L3MBTL4: variants seen among roughly 807,000 people sequenced by gnomAD.
The protein encoded by L3MBTL4 is L3MBTL histone methyl-lysine binding protein 4.
Under a neutral mutation model 84.5 loss-of-function variants are expected in L3MBTL4, and 70 were observed. The observed-to-expected ratio is 0.83, with a 90% CI of 0.68 to 1.01. The LOEUF is 1.01. Among genes scored for constraint, L3MBTL4 ranks in the 50% least tolerant of loss-of-function variants. The probability of loss-of-function intolerance (pLI) is 0.00; values close to 1 mark genes in which losing one functional copy is unlikely to be tolerated. For missense variants in L3MBTL4, 715 were observed against 754.8 expected (o/e 0.95, Z 0.62); for synonymous variants, 274 against 259.8 (o/e 1.05, Z -0.52).
At chr18:5,972,672 T>C (rs745806562) in intron 16 of L3MBTL4, among the ~76,000 whole-genome samples, 1 of 152,126 alleles carries the variant, frequency 6.6e-6, no homozygotes, top group African/African-American at 2.4e-5. Context: ...CTACAGCTGA[T>C]GATTTTGGGG....
intron 16 of L3MBTL4, among the ~76,000 whole-genome samples, chr18:6,027,456 T>A (rs1451424295): frequency 6.6e-6 from 1 of 152,234 alleles, no homozygotes. Flanking sequence ...TTTGGGTTGG[T>A]TCTAAGTCTT....
chr18:6,139,959 C>T (rs1330588020), intron 13 of L3MBTL4, among the ~76,000 whole-genome samples: 1 of 152,112 alleles, frequency 6.6e-6, no homozygotes, highest in Non-Finnish European at 1.5e-5. Context: ...GGCAAATGCT[C>T]AGGCACACTC....
intron 13 of L3MBTL4, among the ~76,000 whole-genome samples, chr18:6,153,826 C>G (rs60486949): frequency 6.6e-6 from 1 of 152,070 alleles, no homozygotes; most frequent in Admixed American, 6.5e-5. Context: ...GAAGAAGATG[C>G]CTGCTTCCCC....
At chr18:6,391,580 A>G (rs2055052045) in intron 1 of L3MBTL4, among the ~76,000 whole-genome samples, 1 of 152,124 alleles carries the variant, frequency 6.6e-6, no homozygotes, top group African/African-American at 2.4e-5. Context: ...ATGCCTAGAA[A>G]ACCCTAAAGA....
At chr18:6,006,024 C>T (rs1426339099) in intron 16 of L3MBTL4, among the ~76,000 whole-genome samples, 2 of 138,014 alleles carry the variant, frequency 1.4e-5, no homozygotes, top group Non-Finnish European at 3.3e-5. Context: ...AAAAAAAAAA[C>T]AGAAGACACT....
rs201894188 is a variant in L3MBTL4 at position 5,969,543 on chromosome 18, C to A, written c.1464G>T (p.Ala488=). The stretch of plus-strand genomic sequence containing the variant: ...ACACTGACTGGTGAAGCACCTGCTG[C>A]GCCTGCTCCACCGAGTATTCTGTAA... ...NLFREYSVEQ[A]QQVLHQSVSM... Residue 488 remains alanine (A), a synonymous_variant, in exon 17 of 19, where the codon GCG becomes GCT. Coordinates refer to ENST00000317931, the MANE Select transcript of L3MBTL4 (RefSeq NM_001330559.2). 1 of 1,608,402 alleles carries A rather than the reference C, an allele frequency of 6.2e-7. No homozygotes were observed. The highest frequency in any genetic ancestry group is 1.1e-5 in the South Asian group (1 of 89,988).
intron 16 of L3MBTL4, among the ~76,000 whole-genome samples, chr18:5,980,102 G>A (rs1443899880): frequency 6.6e-6 from 1 of 151,784 alleles, no homozygotes; most frequent in African/African-American, 2.4e-5. Flanking sequence ...AGGCACCGCC[G>A]AGGGCTCCCC....
At chr18:6,360,818 C>T (rs2053657875) in intron 1 of L3MBTL4, among the ~76,000 whole-genome samples, 1 of 151,722 alleles carries the variant, frequency 6.6e-6, no homozygotes, top group Admixed American at 6.6e-5. Flanking sequence ...ACCAAGACCT[C>T]ATCTCTACAA....
chr18:6,118,206 C>G (rs546099122), intron 14 of L3MBTL4, among the ~76,000 whole-genome samples: 2 of 150,812 alleles, frequency 1.3e-5, no homozygotes, highest in South Asian at 4.2e-4. Flanking sequence ...TAAACACACA[C>G]AAACACACAC....
chr18:6,048,788 C>CAAA lies in L3MBTL4; in HGVS notation c.1444+32090_1444+32092dup, dbSNP rs34017015. Among the ~76,000 whole-genome samples, 368 of 140,530 alleles carry CAAA rather than the reference C, an allele frequency of 2.6e-3. 4 individuals are homozygous for CAAA. Among genetic ancestry groups the CAAA allele is most frequent in the South Asian group, 0.012 (53 of 4,400 alleles). 92.2% of individuals were successfully genotyped at this position (140,530 alleles called of 152,430 possible). On this transcript the variant is annotated intron_variant, in intron 16 of 18. Coordinates refer to ENST00000317931, the MANE Select transcript of L3MBTL4 (RefSeq NM_001330559.2). ...TGGGCAACCGAGTAAGACTCCATCT[C>CAAA]AAAAAAAAAAAAAATCCCAAACAGC...
In L3MBTL4 at chr18:6,222,612, T is replaced by TG. The variant is rs370354258; in HGVS notation, c.785-6778_785-6777insC. Among the ~76,000 whole-genome samples the TG allele has an allele frequency of 1.2e-3, 181 of 152,300 alleles. 2 individuals are homozygous for TG. The Middle Eastern group carries it at 0.02, about 17-fold the overall frequency. ...ATTTTAAAATAAAAAGCTAGGGTTG[T>TG]TTTTCTCTTAGTTTCTCTAACCGTA... On this transcript the variant is annotated intron_variant, in intron 10 of 18. Coordinates refer to ENST00000317931, the MANE Select transcript of L3MBTL4 (RefSeq NM_001330559.2).
intron 14 of L3MBTL4, among the ~76,000 whole-genome samples, chr18:6,136,788 A>G (rs1475684176): frequency 6.6e-6 from 1 of 152,144 alleles, no homozygotes; most frequent in Admixed American, 6.5e-5. Flanking sequence ...CTCTGCTTTC[A>G]TTGCTTCATT....
chr18:5,966,774 C>G (rs1598305747), intron 17 of L3MBTL4, among the ~76,000 whole-genome samples: 1 of 152,204 alleles, frequency 6.6e-6, no homozygotes, highest in African/African-American at 2.4e-5. Flanking sequence ...TTCCCCATTC[C>G]TTCAGATGAA....
intron 1 of L3MBTL4, among the ~76,000 whole-genome samples, chr18:6,409,960 A>G (rs962226632): frequency 5.9e-5 from 9 of 152,134 alleles, no homozygotes; most frequent in African/African-American, 2.2e-4. Flanking sequence ...CAGCAATTAT[A>G]TAAATTACAC....
At chr18:5,961,612 C>T (rs1244412707) in intron 17 of L3MBTL4, among the ~76,000 whole-genome samples, 1 of 152,170 alleles carries the variant, frequency 6.6e-6, no homozygotes, top group Non-Finnish European at 1.5e-5. Context: ...CCTCCCACAC[C>T]AGCCATATTG....
intron 1 of L3MBTL4, among the ~76,000 whole-genome samples, chr18:6,337,490 T>G (rs186884): frequency 0.28 from 41,832 of 151,900 alleles, 7,567 homozygotes; most frequent in African/African-American, 0.52. Context: ...TAAACATTAT[T>G]TTGACTTGAA....
chr18:6,263,170 G>A (rs1179938070), intron 5 of L3MBTL4, among the ~76,000 whole-genome samples: 1 of 151,568 alleles, frequency 6.6e-6, no homozygotes, highest in Non-Finnish European at 1.5e-5. Flanking sequence ...CTCAGATGCT[G>A]AGGCAGGAGA....
At chr18:6,097,162 C>T (rs2058667195) in intron 14 of L3MBTL4, among the ~76,000 whole-genome samples, 1 of 152,186 alleles carries the variant, frequency 6.6e-6, no homozygotes, top group African/African-American at 2.4e-5. Flanking sequence ...GCCCCAACCT[C>T]ATCAACAGTG....
intron 10 of L3MBTL4, among the ~76,000 whole-genome samples, chr18:6,237,486 C>T (rs561777022): frequency 1.7e-5 from 2 of 115,758 alleles, no homozygotes; most frequent in African/African-American, 3.4e-5. Flanking sequence ...GACAGAGTCT[C>T]ACTCTGTCAC....
Sources: gnomAD v4.1 joint callset for allele counts (sites outside exome capture counted in the v4.1 genomes callset) on GRCh38, gnomAD v4.1.1 for gene constraint, MANE v1.5 for transcripts, NCBI Gene and HGNC (gene_info 2026-07-23, HGNC 2026-07-21) for gene names.